LRP5: variants seen among roughly 807,000 people sequenced by gnomAD.
LRP5 encodes the protein low-density lipoprotein receptor-related protein 5.
LRP5 carries 62 observed loss-of-function variants against 154.1 expected under a neutral mutation model. That is an observed-to-expected ratio of 0.40 (90% CI 0.33 to 0.50). The LOEUF (loss-of-function observed/expected upper bound fraction) is 0.50. Among genes scored for constraint, LRP5 ranks in the 20% least tolerant of loss-of-function variants. LRP5 has a pLI of 0.55. For synonymous variants in LRP5, 966 were observed against 1,011.5 expected, an observed-to-expected ratio of 0.96 and a Z score of 0.85; for missense variants, 1,915 against 2,336.7, an observed-to-expected ratio of 0.82 and a Z score of 3.72.
intron 1 of LRP5, among the ~76,000 whole-genome samples, chr11:68,332,427 G>A (rs570801872): frequency 1.3e-5 from 2 of 152,364 alleles, no homozygotes; most frequent in South Asian, 4.1e-4. Context: ...ACCGGGCCCT[G>A]CTCTGCACCA....
At chr11:68,314,883 C>T (rs999127060) in intron 1 of LRP5, among the ~76,000 whole-genome samples, 5 of 152,232 alleles carry the variant, frequency 3.3e-5, no homozygotes, top group Non-Finnish European at 7.3e-5. Context: ...CCAAGAAATT[C>T]GCCGGTGAAC....
At chr11:68,421,202 G>C (rs1476933863) in intron 13 of LRP5, among the ~76,000 whole-genome samples, 1 of 152,174 alleles carries the variant, frequency 6.6e-6, no homozygotes, top group Non-Finnish European at 1.5e-5. Context: ...ACTCGAGCCT[G>C]GGCAACAGAG....
At chr11:68,343,206 G>C (rs896395522) in intron 1 of LRP5, among the ~76,000 whole-genome samples, 3 of 152,182 alleles carry the variant, frequency 2.0e-5, no homozygotes, top group African/African-American at 7.2e-5. Context: ...GCTGCCTCCC[G>C]AGACAATCTA....
At chr11:68,338,806 A>G (rs771966505) in intron 1 of LRP5, among the ~76,000 whole-genome samples, 1 of 147,956 alleles carries the variant, frequency 6.8e-6, no homozygotes, top group African/African-American at 2.5e-5. Context: ...AATTATCTGC[A>G]TTCCCATTGG....
At chr11:68,376,636 G>A (rs572854675) in intron 5 of LRP5, among the ~76,000 whole-genome samples, 3 of 152,356 alleles carry the variant, frequency 2.0e-5, no homozygotes, top group East Asian at 1.9e-4. Flanking sequence ...GTGGCCTTGC[G>A]GAGGGGCGCA....
chr11:68,352,459 A>G (rs968853603), intron 2 of LRP5, among the ~76,000 whole-genome samples: 4 of 152,210 alleles, frequency 2.6e-5, no homozygotes, highest in African/African-American at 9.7e-5. Flanking sequence ...TCCAGTCTCC[A>G]TGCCTACGTG....
intron 1 of LRP5, among the ~76,000 whole-genome samples, chr11:68,327,674 A>G (rs2098600498): frequency 6.6e-6 from 1 of 152,154 alleles, no homozygotes; most frequent in Non-Finnish European, 1.5e-5. Context: ...GAAGTCAGGA[A>G]CCAGAAGCAG....
chr11:68,311,711 G>A (rs2098587978), upstream of LRP5, among the ~76,000 whole-genome samples: 1 of 152,268 alleles, frequency 6.6e-6, no homozygotes, highest in African/African-American at 2.4e-5. Flanking sequence ...AGCCCTCTCT[G>A]AACCTGCAAG....
chr11:68,411,387 C>A (rs781000459), intron 10 of LRP5, 49 bp from the exon 11 acceptor site: 3 of 1,590,562 alleles, frequency 1.9e-6, no homozygotes. Context: ...CACTGTCCTG[C>A]GGTGAGAGCA....
chr11:68,362,311 T>G (rs2098628531), intron 3 of LRP5, among the ~76,000 whole-genome samples: 2 of 152,058 alleles, frequency 1.3e-5, no homozygotes, highest in African/African-American at 4.8e-5. Flanking sequence ...TGTGGGGCAA[T>G]GGAAGTGCTT....
intron 5 of LRP5, among the ~76,000 whole-genome samples, chr11:68,374,281 C>T (rs1031144360): frequency 5.3e-5 from 8 of 152,276 alleles, no homozygotes; most frequent in South Asian, 2.1e-4. Flanking sequence ...GGCCGAATAA[C>T]GGGCGTTTGT....
At chr11:68,409,288 TAATA>T (rs1193415581) in intron 9 of LRP5, among the ~76,000 whole-genome samples, 2 of 141,956 alleles carry the variant, frequency 1.4e-5, no homozygotes, top group Non-Finnish European at 3.0e-5. Context: ...TATTTATAAA[TAATA>T]TATAATACAT....
chr11:68,338,266 G>A (rs1012250741), intron 1 of LRP5, among the ~76,000 whole-genome samples: 7 of 152,208 alleles, frequency 4.6e-5, no homozygotes, highest in Admixed American at 4.6e-4. Context: ...GCTTATTTTG[G>A]TATAGTAGCA....
At chr11:68,365,750 C>T (rs999931368) in intron 5 of LRP5, 48 bp downstream of exon 5, 3 of 1,432,810 alleles carry the variant, frequency 2.1e-6, no homozygotes, top group African/African-American at 2.9e-5. Context: ...CGGGGCCTGG[C>T]GGGAATGGGT....
intron 1 of LRP5, among the ~76,000 whole-genome samples, chr11:68,326,820 C>T (rs1379486046): frequency 2.6e-5 from 4 of 152,256 alleles, no homozygotes; most frequent in African/African-American, 7.2e-5. Flanking sequence ...AGAGTCCTTG[C>T]GGCATATGGG....
chr11:68,411,531 G>A lies in LRP5; in HGVS notation c.2414G>A (p.Arg805Gln), dbSNP rs565245995. The A allele has an allele frequency of 1.2e-5, 19 of 1,613,684 alleles. No homozygotes were observed. In the Admixed American group the frequency reaches 1.5e-4, roughly 13 times the overall value. ...NCMTLVDKVG[R>Q]ANDLTIDYAD... Reference sequence around the variant, plus strand: ...ATGACGCTGGTGGACAAGGTGGGCCGGGCCAACGACCTCACCATTGACTAC... The same window carrying A: ...ATGACGCTGGTGGACAAGGTGGGCCAGGCCAACGACCTCACCATTGACTAC... Residue 805 changes from arginine (R) to glutamine (Q), a missense_variant, in exon 11 of 23, where the codon CGG (arginine) becomes CAG (glutamine). Physicochemically the swap from Arg to Gln is conservative, Grantham distance 43. Transcript: ENST00000294304.
At chr11:68,315,519 G>T (rs2098592649) in intron 1 of LRP5, among the ~76,000 whole-genome samples, 1 of 152,214 alleles carries the variant, frequency 6.6e-6, no homozygotes. Context: ...ACCTTTGTGT[G>T]CCTCAGTTTT....
chr11:68,322,905 CTG>C (rs1419824347), intron 1 of LRP5, among the ~76,000 whole-genome samples: 1 of 152,236 alleles, frequency 6.6e-6, no homozygotes, highest in Non-Finnish European at 1.5e-5. Context: ...AGGGACTTGA[CTG>C]TGAAGTCCCG....
chr11:68,401,854 C>T (rs1053895311), intron 7 of LRP5, among the ~76,000 whole-genome samples: 3 of 152,134 alleles, frequency 2.0e-5, no homozygotes, highest in East Asian at 1.9e-4. Context: ...ATGCCCAGCT[C>T]GTTTTTTTTT....
Sources: allele counts gnomAD v4.1 joint callset (sites outside exome capture counted in the v4.1 genomes callset), GRCh38; gene constraint gnomAD v4.1.1; transcripts MANE v1.5; gene names NCBI Gene and HGNC (gene_info 2026-07-23, HGNC 2026-07-21).